The following CD96 variants were observed in gnomAD, a reference collection of about 807,000 sequenced individuals.
CD96 encodes the protein T-cell surface protein tactile.
In CD96, 70 loss-of-function variants were observed where a neutral mutation model predicts 71.3. The observed-to-expected ratio is 0.98, with a 90% CI of 0.81 to 1.20. CD96 has a LOEUF of 1.20. Among genes scored for constraint, CD96 ranks in the 50% most tolerant of loss-of-function variants. CD96 has a pLI of 0.00. For synonymous variants in CD96, 248 were observed against 233.0 expected (o/e 1.06, Z -0.59); for missense variants, 742 against 677.5 (o/e 1.10, Z -1.06).
At chr3:111,600,529 C>T (rs746553890) in intron 6 of CD96, among the ~76,000 whole-genome samples, 197 bp from the exon 7 acceptor site, 1 of 152,186 alleles carries the variant, frequency 6.6e-6, no homozygotes, top group Non-Finnish European at 1.5e-5. Context: ...GACCATGGAT[C>T]AATGACATGC....
At chr3:111,574,188 G>A (rs1576336705) in intron 3 of CD96, among the ~76,000 whole-genome samples, 1 of 152,184 alleles carries the variant, frequency 6.6e-6, no homozygotes, top group East Asian at 1.9e-4. Context: ...CATGGAGCTG[G>A]TTTCAAGGAG....
In CD96 at chr3:111,649,917, A is replaced by G. The variant is rs1940003101; in HGVS notation, c.*111A>G. The G allele has an allele frequency of 2.6e-6, 2 of 781,066 alleles. No homozygotes were observed. Among genetic ancestry groups the G allele is most frequent in the Admixed American group, 1.9e-5 (1 of 51,984 alleles). 48.4% of individuals were successfully genotyped at this position (781,066 alleles called of 1,614,324 possible). On this transcript the variant is annotated 3_prime_UTR_variant, in exon 14 of 14. Coordinates refer to ENST00000352690, the MANE Select transcript of CD96 (RefSeq NM_005816.5). ...TCAGCCATGCCTTTGCTGCAGCTGA[A>G]ATGGAAGTCAGAAGTGAGTGACCTG...
At chr3:111,585,748 G>C (rs139822265) in intron 5 of CD96, among the ~76,000 whole-genome samples, 1 of 152,118 alleles carries the variant, frequency 6.6e-6, no homozygotes, top group Non-Finnish European at 1.5e-5. Context: ...CGTTTAATTT[G>C]TTCTAATCCA....
At chr3:111,621,878 A>G (rs1361235502) in intron 8 of CD96, among the ~76,000 whole-genome samples, 1 of 152,204 alleles carries the variant, frequency 6.6e-6, no homozygotes, top group Admixed American at 6.5e-5. Context: ...ATGTAGTTCC[A>G]ATACTCAGTT....
At chr3:111,635,661 C>A (rs1285485497) in intron 10 of CD96, among the ~76,000 whole-genome samples, 1 of 152,152 alleles carries the variant, frequency 6.6e-6, no homozygotes, top group Non-Finnish European at 1.5e-5. Context: ...TTAACCATTA[C>A]AAAATGTTCT....
intron 2 of CD96, among the ~76,000 whole-genome samples, chr3:111,549,441 G>C (rs75392269): frequency 6.8e-4 from 103 of 152,268 alleles, no homozygotes; most frequent in South Asian, 2.3e-3. Context: ...CTAATTAAAA[G>C]GTGGTTGTTT....
chr3:111,552,414 G>C (rs1431315318), intron 2 of CD96, among the ~76,000 whole-genome samples: 1 of 152,080 alleles, frequency 6.6e-6, no homozygotes, highest in East Asian at 1.9e-4. Context: ...CAAACCTGCC[G>C]ATGTTTTGAT....
rs537150438 is a variant in CD96, at chr3:111,613,359, A to G, written c.1180+6567A>G. Reference sequence around the variant, plus strand: ...CTGGACCAGTAATCCAGCAATACACATTATTATTCCCCATTTAGTCAGCAC... The same window carrying G: ...CTGGACCAGTAATCCAGCAATACACGTTATTATTCCCCATTTAGTCAGCAC... On this transcript the variant is annotated intron_variant, in intron 8 of 13. Transcript: ENST00000352690. Among the ~76,000 whole-genome samples, 35 of 152,324 alleles carry G rather than the reference A, an allele frequency of 2.3e-4. No individual in the cohort carries two copies. In the South Asian group the frequency reaches 6.0e-3, roughly 26 times the overall value.
intron 4 of CD96, chr3:111,579,609 ACT>A (rs1210561287): frequency 2.9e-5 from 9 of 314,070 alleles, no homozygotes; most frequent in African/African-American, 1.9e-4. Context: ...GCGGATGGGG[ACT>A]CTCTGAAGAA....
chr3:111,649,077 G>A (rs1362913099), intron 13 of CD96, among the ~76,000 whole-genome samples: 1 of 152,194 alleles, frequency 6.6e-6, no homozygotes, highest in African/African-American at 2.4e-5. Flanking sequence ...TATCCCCGCA[G>A]TACATAGTGA....
chr3:111,637,097 A>C (rs1220193849), intron 10 of CD96, 99 bp from the exon 11 acceptor site: 2 of 738,048 alleles, frequency 2.7e-6, no homozygotes, highest in Non-Finnish European at 2.5e-6. Context: ...TTATGTACTC[A>C]TTAATATCCT....
chr3:111,570,278 C>A (rs1229348143), intron 3 of CD96, among the ~76,000 whole-genome samples: 1 of 152,006 alleles, frequency 6.6e-6, no homozygotes, highest in African/African-American at 2.4e-5. Context: ...TACCTGAAGA[C>A]AAATTATAGG....
chr3:111,557,328 T>C (rs1320212696), intron 2 of CD96, among the ~76,000 whole-genome samples: 1 of 92,516 alleles, frequency 1.1e-5, no homozygotes, highest in Non-Finnish European at 2.0e-5. Context: ...CTAGGGTTTT[T>C]ATGGTTTTAG....
chr3:111,664,973 G>A lies in CD96; in HGVS notation c.*53-554G>A, dbSNP rs1281258530. ...GGAAATACACAGTTATTATTTAGCAGTCAAAGGACTATGATATAAATAACT... is the reference window on the plus strand; with the variant it reads ...GGAAATACACAGTTATTATTTAGCAATCAAAGGACTATGATATAAATAACT... On this transcript the variant is annotated intron_variant and NMD_transcript_variant, in intron 14 of 14. Transcript: ENST00000494798. Among the ~76,000 whole-genome samples the A allele has an allele frequency of 2.0e-5, 3 of 152,318 alleles. No individual in the cohort carries two copies. The South Asian group carries it at 6.2e-4, about 32-fold the overall frequency.
intron 8 of CD96, among the ~76,000 whole-genome samples, chr3:111,616,542 G>T (rs1938246216): frequency 1.3e-5 from 2 of 152,230 alleles, no homozygotes; most frequent in Admixed American, 6.5e-5. Context: ...CCGTGGCTAG[G>T]CCCTGATGAT....
chr3:111,556,860 G>A (rs1935082453), intron 2 of CD96, among the ~76,000 whole-genome samples: 1 of 149,836 alleles, frequency 6.7e-6, no homozygotes, highest in Non-Finnish European at 1.5e-5. Flanking sequence ...ATCCTCTCCA[G>A]CACCTGTTGT....
At position 111,594,008 on chromosome 3, in the gene CD96, G is replaced by C. The variant is rs763983410; in HGVS notation, c.808-4112G>C. ...GTTGGGATGGTGCCCAGCACGAGCA[G>C]GAGCTAGGTGGAAATATTCCCATGC... On this transcript the variant is annotated intron_variant, in intron 5 of 13. Transcript: ENST00000352690. 1.2e-6 allele frequency: 2 copies of C among 1,614,196 alleles called. No individual in the cohort carries two copies. The highest frequency in any genetic ancestry group is 4.5e-5 in the East Asian group (2 of 44,874).
At chr3:111,572,985 C>T (rs538868001) in intron 3 of CD96, among the ~76,000 whole-genome samples, 1 of 152,284 alleles carries the variant, frequency 6.6e-6, no homozygotes, top group East Asian at 1.9e-4. Context: ...GTGTATCTAA[C>T]ATTCATCCAG....
At chr3:111,545,462 A>G in intron 2 of CD96, 60 bp downstream of exon 2, 1 of 1,155,814 alleles carries the variant, frequency 8.7e-7, no homozygotes, top group South Asian at 1.2e-5. Flanking sequence ...CAACAAATGT[A>G]CATTTTAAGA....
Sources: gnomAD v4.1 joint callset for allele counts (sites outside exome capture counted in the v4.1 genomes callset) on GRCh38, gnomAD v4.1.1 for gene constraint, MANE v1.5 for transcripts, NCBI Gene and HGNC (gene_info 2026-07-23, HGNC 2026-07-21) for gene names.